Variants in MAGEB2 observed in about 807,000 individuals in gnomAD.
MAGEB2 encodes melanoma-associated antigen B2.
For missense variants in MAGEB2, 365 were observed against 243.2 expected, an observed-to-expected ratio of 1.50 and a Z score of -3.33; for synonymous variants, 107 against 96.2, an observed-to-expected ratio of 1.11 and a Z score of -0.66.
intron 1 of MAGEB2, among the ~76,000 whole-genome samples, chrX:30,217,987 A>G (rs1018984685): frequency 8.9e-6 from 1 of 111,936 alleles, no homozygotes; most frequent in Non-Finnish European, 1.9e-5. Context: ...CACTCAGCAG[A>G]AGGGGGCTGG....
chrX:30,218,963 T>G lies in MAGEB2; in HGVS notation c.383T>G (p.Ile128Arg), dbSNP rs1167390309. The change falls in exon 2 of 2, where the codon ATA becomes AGA. Residue 128 changes from isoleucine (I) to arginine (R), a missense_variant. Physicochemically the swap from Ile to Arg is moderately conservative, Grantham distance 97. Coordinates refer to ENST00000378988, the MANE Select transcript of MAGEB2 (RefSeq NM_002364.5). ...LVQFLLYKYK[I>R]KKSVTKGEML... ...CAGTTCCTGTTGTACAAGTATAAAA[T>G]AAAAAAGTCCGTTACAAAGGGAGAA... The G allele has an allele frequency of 8.3e-7, 1 of 1,208,721 alleles. No individual in the cohort carries two copies. Among genetic ancestry groups the G allele is most frequent in the East Asian group, 3.0e-5 (1 of 33,752 alleles).
At chrX:30,216,707 T>A (rs1924411169) in intron 1 of MAGEB2, among the ~76,000 whole-genome samples, 1 of 97,447 alleles carries the variant, frequency 1.0e-5, no homozygotes. Context: ...GGTGAAACCC[T>A]GTCTCTACTA....
At chrX:30,216,677 G>A (rs1467385612) in intron 1 of MAGEB2, among the ~76,000 whole-genome samples, 1 of 109,899 alleles carries the variant, frequency 9.1e-6, no homozygotes, top group Non-Finnish European at 1.9e-5. Context: ...TCAGGAGATC[G>A]AGACCATCCT....
At chrX:30,216,308 G>A (rs1386382589) in intron 1 of MAGEB2, among the ~76,000 whole-genome samples, 3 of 111,263 alleles carry the variant, frequency 2.7e-5, no homozygotes, top group African/African-American at 9.8e-5. Context: ...GGAAGGTCAG[G>A]GCAAAGCTAG....
At chrX:30,216,740 C>T (rs770866259) in intron 1 of MAGEB2, among the ~76,000 whole-genome samples, 7 of 109,081 alleles carry the variant, frequency 6.4e-5, no homozygotes, top group African/African-American at 1.7e-4. Context: ...AAAAAATTAG[C>T]GGGGAGCGGT....
In MAGEB2 at chrX:30,219,431, G is replaced by C. The variant is rs937673707; in HGVS notation, c.851G>C (p.Ser284Thr). 1 of 1,210,189 alleles carries C rather than the reference G, an allele frequency of 8.3e-7. No individual in the cohort carries two copies. The highest frequency in any genetic ancestry group is 1.7e-5 in the African/African-American group (1 of 57,281). ...LWGPRAYAET[S>T]KMKVLEFLAK... ...GGTCCGAGAGCCTATGCTGAAACCAGCAAGATGAAAGTCCTGGAGTTTTTG... is the reference window on the plus strand; with the variant it reads ...GGTCCGAGAGCCTATGCTGAAACCACCAAGATGAAAGTCCTGGAGTTTTTG... The change falls in exon 2 of 2, where the codon AGC (serine) becomes ACC (threonine). Residue 284 changes from serine (S) to threonine (T), a missense_variant. Physicochemically the swap from Ser to Thr is moderately conservative, Grantham distance 58. Coordinates refer to ENST00000378988, the MANE Select transcript of MAGEB2 (RefSeq NM_002364.5).
intron 1 of MAGEB2, 40 bp from the exon 2 acceptor site, chrX:30,218,536 A>G: frequency 8.6e-7 from 1 of 1,166,262 alleles, no homozygotes; most frequent in South Asian, 2.0e-5. Flanking sequence ...CAGGTATACT[A>G]ACCATCTATT....
chrX:30,218,935 G>A lies in MAGEB2; in HGVS notation c.355G>A (p.Val119Met), dbSNP rs370817698. The change falls in exon 2 of 2, where the codon GTG becomes ATG. Residue 119 changes from valine (V) to methionine (M), a missense_variant. Coordinates refer to ENST00000378988, the MANE Select transcript of MAGEB2 (RefSeq NM_002364.5). ...DPLTRKSGSL[V>M]QFLLYKYKIK... ...TCTAACCAGGAAGTCAGGGTCGTTG[G>A]TGCAGTTCCTGTTGTACAAGTATAA... 29 of 1,209,393 alleles carry A rather than the reference G, an allele frequency of 2.4e-5. No individual in the cohort carries two copies. The highest frequency in any genetic ancestry group is 2.8e-5 in the Non-Finnish European group (25 of 894,629).
intron 1 of MAGEB2, among the ~76,000 whole-genome samples, chrX:30,216,879 C>T (rs12837022): frequency 0.35 from 32,895 of 92,967 alleles, 6,271 homozygotes; most frequent in African/African-American, 0.49. Context: ...GGCGAGACTC[C>T]GTCTCTTAAA....
chrX:30,218,699 G>C lies in MAGEB2; in HGVS notation c.119G>C (p.Cys40Ser). 1 of 1,205,390 alleles carries C rather than the reference G, an allele frequency of 8.3e-7. No individual in the cohort carries two copies. The highest frequency in any genetic ancestry group is 1.1e-6 in the Non-Finnish European group (1 of 891,704). ...VTEAEEEEAP[C>S]CSSSVSGGAA... ...GAAGCAGAGGAAGAAGAGGCCCCCT[G>C]CTGTTCCTCTTCTGTTTCTGGGGGT... Residue 40 changes from cysteine to serine, a missense_variant, in exon 2 of 2, where the codon TGC becomes TCC. Transcript: ENST00000378988.
intron 1 of MAGEB2, among the ~76,000 whole-genome samples, chrX:30,216,748 G>A (rs1001000592): frequency 8.2e-5 from 9 of 109,645 alleles, no homozygotes; most frequent in African/African-American, 3.0e-4. Flanking sequence ...AGCGGGGAGC[G>A]GTGGCGGGCG....
At chrX:30,216,037 C>G (rs1391019679) in intron 1 of MAGEB2, among the ~76,000 whole-genome samples, 1 of 111,659 alleles carries the variant, frequency 9.0e-6, no homozygotes, top group Admixed American at 9.4e-5. Flanking sequence ...AGGGGAGGGC[C>G]TTGAACCTAG....
chrX:30,215,872 G>A (rs1386001892), intron 1 of MAGEB2, among the ~76,000 whole-genome samples: 1 of 111,132 alleles, frequency 9.0e-6, no homozygotes. Flanking sequence ...CTGCACGTAG[G>A]GTGGGTGTAG....
intron 1 of MAGEB2, among the ~76,000 whole-genome samples, chrX:30,217,717 C>T (rs1924438822): frequency 8.9e-6 from 1 of 111,806 alleles, no homozygotes; most frequent in Admixed American, 9.4e-5. Flanking sequence ...TATGGGTTCT[C>T]AGGGATGTTC....
At position 30,219,007 on chromosome X, in the gene MAGEB2, A is replaced by G; in HGVS notation, c.427A>G (p.Lys143Glu). ...GGGAGAAATGCTGAAAATTGTTGGC[A>G]AAAGGTTCAGGGAGCACTTCCCTGA... is the stretch of plus-strand genomic sequence containing the variant. ...TKGEMLKIVG[K>E]RFREHFPEIL... is the part of the protein sequence containing the mutation. The change falls in exon 2 of 2, where the codon AAA becomes GAA. Residue 143 changes from lysine (K) to glutamate (E), a missense_variant. By Grantham distance (56) the Lys-to-Glu change is moderately conservative. Coordinates refer to ENST00000378988, the MANE Select transcript of MAGEB2 (RefSeq NM_002364.5). 1.7e-6 allele frequency: 2 copies of G among 1,210,888 alleles called. No individual in the cohort carries two copies. The highest frequency in any genetic ancestry group is 2.2e-6 in the Non-Finnish European group (2 of 895,007).
rs751488182 is a variant in MAGEB2 at position 30,219,556 on chromosome X, A to G, written c.*16A>G. 5.9e-6 allele frequency: 7 copies of G among 1,177,725 alleles called. No homozygotes were observed. The Admixed American group carries it at 9.4e-5, about 16-fold the overall frequency. ...CGGAGTCTGAGCCAGAGTTGTAGCC[A>G]GGCCTTGCACTACTGCCATAGCCAA... On this transcript the variant is annotated 3_prime_UTR_variant, in exon 2 of 2. Coordinates refer to ENST00000378988, the MANE Select transcript of MAGEB2 (RefSeq NM_002364.5).
rs1246296918 is a variant in MAGEB2 at position 30,219,300 on chromosome X, CTT to C, written c.722_723del (p.Phe241TrpfsTer26). The C allele has an allele frequency of 8.3e-7, 1 of 1,209,763 alleles. No individual in the cohort carries two copies. Among genetic ancestry groups the C allele is most frequent in the African/African-American group, 1.8e-5 (1 of 57,115 alleles). ...TCTATGATGGAGAGGAGCACTCAGT[CTT>C]TGGGGAACCCTGGAAGCTCATCACC... ...GVYDGEEHSV[F>X]GEPWKLITKD... is the part of the protein sequence containing the mutation. On this transcript the variant is annotated frameshift_variant, in exon 2 of 2. Transcript: ENST00000378988. LOFTEE classifies it low-confidence loss of function (END_TRUNC).
chrX:30,217,624 T>A (rs963699837), intron 1 of MAGEB2, among the ~76,000 whole-genome samples: 2 of 112,207 alleles, frequency 1.8e-5, no homozygotes, highest in African/African-American at 6.5e-5. Context: ...GGACCATCTA[T>A]CACAGGGCAG....
At position 30,215,582 on chromosome X, in the gene MAGEB2, G is replaced by A. The variant is rs1378507818; in HGVS notation, c.-79G>A. 1 of 110,712 alleles carries A rather than the reference G, an allele frequency of 9.0e-6. No individual in the cohort carries two copies. Among genetic ancestry groups the A allele is most frequent in the Non-Finnish European group, 1.9e-5 (1 of 52,812 alleles). The allele number at this position is 110,712 out of a possible 1,213,427, so 9.1% of individuals were successfully genotyped here. On this transcript the variant is annotated 5_prime_UTR_variant, in exon 1 of 2. Coordinates refer to ENST00000378988, the MANE Select transcript of MAGEB2 (RefSeq NM_002364.5). ...ATCCTGACTTCCGCTTTGGAGGCGA[G>A]GACCCGAGCGAGTGTAGGGGGTGCG...
Sources: allele counts gnomAD v4.1 joint callset (sites outside exome capture counted in the v4.1 genomes callset), GRCh38; gene constraint gnomAD v4.1.1; transcripts MANE v1.5; gene names NCBI Gene and HGNC (gene_info 2026-07-23, HGNC 2026-07-21).